The following STX18 variants were observed in gnomAD, a reference collection of about 807,000 sequenced individuals.
STX18 encodes syntaxin 18.
In STX18, 40 loss-of-function variants were observed where a neutral mutation model predicts 50.1. The observed-to-expected ratio is 0.80, with a 90% CI of 0.62 to 1.04. The LOEUF (loss-of-function observed/expected upper bound fraction) is 1.04. STX18 is among the 50% of genes least tolerant of loss of function. The pLI is 0.00. For synonymous variants in STX18, 158 were observed against 151.8 expected (o/e 1.04, Z -0.30); for missense variants, 410 against 415.8 (o/e 0.99, Z 0.12).
chr4:4,514,693 G>C (rs1300487153), intron 1 of STX18, among the ~76,000 whole-genome samples: 2 of 151,806 alleles, frequency 1.3e-5, no homozygotes, highest in Non-Finnish European at 2.9e-5. Context: ...AGGTTAATCA[G>C]AGAATATAAA....
rs183413160 is a variant in STX18, at chr4:4,515,488, T to C, written c.168+26309A>G. Among the ~76,000 whole-genome samples, 181 of 152,302 alleles carry C rather than the reference T, an allele frequency of 1.2e-3. 1 individual carries two copies. The highest frequency in any genetic ancestry group is 4.0e-3 in the African/African-American group (168 of 41,578). ...ATGGTAATTAATTCTCACTTAAAGA[T>C]TCATCAGATCATAAACTGACTTTAT... On this transcript the variant is annotated intron_variant, in intron 1 of 10. Coordinates refer to ENST00000306200, the MANE Select transcript of STX18 (RefSeq NM_016930.4).
chr4:4,446,425 T>C (rs975065828), intron 5 of STX18, among the ~76,000 whole-genome samples: 7 of 152,200 alleles, frequency 4.6e-5, no homozygotes, highest in South Asian at 2.1e-4. Context: ...TATAAGGATA[T>C]GTATGCAGAA....
intron 1 of STX18, among the ~76,000 whole-genome samples, chr4:4,480,175 C>T (rs964095061): frequency 1.3e-5 from 2 of 152,224 alleles, no homozygotes; most frequent in Admixed American, 1.3e-4. Context: ...CTTCTTCATA[C>T]TTTTTGCACT....
At chr4:4,503,774 A>G (rs919401336) in intron 1 of STX18, among the ~76,000 whole-genome samples, 1 of 152,204 alleles carries the variant, frequency 6.6e-6, no homozygotes, top group Non-Finnish European at 1.5e-5. Flanking sequence ...GATGACTGTA[A>G]AGTTTTTTGA....
At chr4:4,425,113 T>C in intron 8 of STX18, 51 bp downstream of exon 8, 1 of 1,549,288 alleles carries the variant, frequency 6.5e-7, no homozygotes, top group Non-Finnish European at 8.9e-7. Flanking sequence ...TCCTAGTTCC[T>C]GGAAAAGTTG....
chr4:4,508,044 C>T (rs1357717104), intron 1 of STX18, among the ~76,000 whole-genome samples: 2 of 152,144 alleles, frequency 1.3e-5, no homozygotes, highest in Non-Finnish European at 2.9e-5. Context: ...TTTTTAACTT[C>T]AACACTAGCT....
chr4:4,510,802 A>G lies in STX18; in HGVS notation c.168+30995T>C, dbSNP rs763368787. Among the ~76,000 whole-genome samples, 77 of 152,204 alleles carry G rather than the reference A, an allele frequency of 5.1e-4. 1 individual carries two copies. Among genetic ancestry groups the G allele is most frequent in the Non-Finnish European group, 8.4e-4 (57 of 68,046 alleles). On this transcript the variant is annotated intron_variant, in intron 1 of 10. Transcript: ENST00000306200. ...GATAAAGCAAATGTGGCACATATAC[A>G]CCGTGGAATACTATGCAACCATAAA...
chr4:4,519,108 C>T (rs760348646), intron 1 of STX18, among the ~76,000 whole-genome samples: 12 of 152,094 alleles, frequency 7.9e-5, no homozygotes, highest in Non-Finnish European at 1.3e-4. Context: ...TGCAAAATCA[C>T]GGTGTGACCA....
At position 4,498,779 on chromosome 4, in the gene STX18, G is replaced by A. The variant is rs777998167; in HGVS notation, c.169-27073C>T. 1.4e-3 allele frequency among the ~76,000 whole-genome samples: 220 copies of A among 152,086 alleles called. 1 individual carries two copies. Among genetic ancestry groups the A allele is most frequent in the Non-Finnish European group, 1.2e-3 (83 of 67,980 alleles). The stretch of plus-strand genomic sequence containing the variant: ...GTTTAAGTTTTAAGAAAAAGATCTA[G>A]GTTTTTTTATTTGATAAAAAGAGAG... On this transcript the variant is annotated intron_variant, in intron 1 of 10. Coordinates refer to ENST00000306200, the MANE Select transcript of STX18 (RefSeq NM_016930.4).
At chr4:4,457,638 C>G (rs765976301) in intron 3 of STX18, 138 bp from the exon 4 acceptor site, 1 of 652,970 alleles carries the variant, frequency 1.5e-6, no homozygotes, top group South Asian at 2.0e-5. Context: ...TGCCAAGTGA[C>G]ACTACATTTT....
intron 1 of STX18, among the ~76,000 whole-genome samples, chr4:4,515,004 G>C (rs1218175421): frequency 6.6e-6 from 1 of 152,066 alleles, no homozygotes; most frequent in Non-Finnish European, 1.5e-5. Context: ...ACAAGTAAAT[G>C]TCTCATGAAA....
chr4:4,473,296 T>G (rs1460306562), intron 1 of STX18, among the ~76,000 whole-genome samples: 2 of 150,568 alleles, frequency 1.3e-5, no homozygotes, highest in Non-Finnish European at 3.0e-5. Context: ...TCTGACTTTT[T>G]TTTTTTTTTT....
intron 2 of STX18, among the ~76,000 whole-genome samples, chr4:4,467,128 T>A (rs1727653781): frequency 6.6e-6 from 1 of 152,116 alleles, no homozygotes; most frequent in South Asian, 2.1e-4. Context: ...GCAGTAATGT[T>A]ATCTATAGGA....
chr4:4,489,062 C>G (rs914116272), intron 1 of STX18, among the ~76,000 whole-genome samples: 10 of 152,008 alleles, frequency 6.6e-5, no homozygotes, highest in African/African-American at 2.4e-4. Context: ...TTTTTTTTCT[C>G]TTTTAGCAAA....
intron 1 of STX18, among the ~76,000 whole-genome samples, chr4:4,523,300 A>C (rs1730600695): frequency 6.6e-6 from 1 of 152,166 alleles, no homozygotes; most frequent in Non-Finnish European, 1.5e-5. Flanking sequence ...GTCTTTTCCC[A>C]GGGACTACTC....
chr4:4,433,299 T>A (rs957565809), intron 7 of STX18, among the ~76,000 whole-genome samples: 18 of 152,332 alleles, frequency 1.2e-4, no homozygotes, highest in African/African-American at 4.3e-4. Context: ...TTATTACTGA[T>A]GATCCCATTT....
At chr4:4,448,840 G>C (rs1027006397) in intron 5 of STX18, among the ~76,000 whole-genome samples, 2 of 152,100 alleles carry the variant, frequency 1.3e-5, no homozygotes, top group African/African-American at 4.8e-5. Context: ...ATGGCTTTCA[G>C]TATCTTTCAT....
rs927068709 is a variant in STX18 at position 4,457,518 on chromosome 4, A to G, written c.353-18T>C. 8.7e-6 allele frequency: 14 copies of G among 1,604,492 alleles called. No individual in the cohort carries two copies. Among genetic ancestry groups the G allele is most frequent in the Admixed American group, 1.7e-5 (1 of 59,756 alleles). The stretch of plus-strand genomic sequence containing the variant: ...CTTGTGAGCTGTAACAGAAAAAGAC[A>G]ATGTTCAGGCCTTCGCACTCAATTA... On this transcript the variant is annotated intron_variant, in intron 3 of 10. Transcript: ENST00000306200.
intron 1 of STX18, among the ~76,000 whole-genome samples, chr4:4,522,348 A>T (rs1730546139): frequency 6.6e-6 from 1 of 152,210 alleles, no homozygotes. Context: ...AACGTAATGG[A>T]GTAATAGACT....
Sources: gnomAD v4.1 joint callset for allele counts (sites outside exome capture counted in the v4.1 genomes callset) on GRCh38, gnomAD v4.1.1 for gene constraint, MANE v1.5 for transcripts, NCBI Gene and HGNC (gene_info 2026-07-23, HGNC 2026-07-21) for gene names.